PPM1F: variants seen among roughly 807,000 people sequenced by gnomAD.
The protein encoded by PPM1F is protein phosphatase, Mg2+/Mn2+ dependent 1F, also known as protein phosphatase 1F.
A neutral mutation model predicts 35.5 loss-of-function variants in PPM1F; 17 were observed. That is an observed-to-expected ratio of 0.48 (90% CI 0.33 to 0.72). The LOEUF (loss-of-function observed/expected upper bound fraction) is 0.72. Ranked by LOEUF, PPM1F falls within the 30% of genes least tolerant of loss-of-function variation. PPM1F has a pLI of 0.02. For synonymous variants in PPM1F, 241 were observed against 255.5 expected, an observed-to-expected ratio of 0.94 and a Z score of 0.54; for missense variants, 521 against 613.0, an observed-to-expected ratio of 0.85 and a Z score of 1.59.
At chr22:21,930,435 G>A (rs1015881918) in intron 6 of PPM1F, among the ~76,000 whole-genome samples, 10 of 152,210 alleles carry the variant, frequency 6.6e-5, no homozygotes, top group Non-Finnish European at 1.3e-4. Flanking sequence ...AGCACCGAAA[G>A]ACTGAAAAGA....
At chr22:21,930,092 G>A (rs560270899) in intron 6 of PPM1F, among the ~76,000 whole-genome samples, 1 of 152,382 alleles carries the variant, frequency 6.6e-6, no homozygotes, top group East Asian at 1.9e-4. Flanking sequence ...TTGCAGGAAA[G>A]GCTGTGTAAA....
In PPM1F at chr22:21,939,225, C is replaced by T. The variant is rs1274317537; in HGVS notation, c.355+307G>A. On this transcript the variant is annotated intron_variant, in intron 3 of 7. Coordinates refer to ENST00000263212, the MANE Select transcript of PPM1F (RefSeq NM_014634.4). This position sits in a 1 kb window ranked among gnomAD's most constrained non-coding sequence, Gnocchi z 5.1. Reference sequence around the variant, plus strand: ...ATCACCTGTGAGATCCTCTGTGAAACGGGATAAGCATCTTTAATTTCCTGG... The same window carrying T: ...ATCACCTGTGAGATCCTCTGTGAAATGGGATAAGCATCTTTAATTTCCTGG... 10 of 339,724 alleles carry T rather than the reference C, an allele frequency of 2.9e-5. No individual in the cohort carries two copies. The highest frequency in any genetic ancestry group is 1.2e-4 in the South Asian group (3 of 25,710). 21.0% of individuals were successfully genotyped at this position (339,724 alleles called of 1,614,324 possible).
chr22:21,941,388 T>A (rs2145804414), intron 2 of PPM1F: 1 of 152,588 alleles, frequency 6.6e-6, no homozygotes, highest in East Asian at 1.9e-4. Context: ...AGTCGGGCAG[T>A]ATAAATGGAG....
chr22:21,930,584 C>G (rs1254736908), intron 6 of PPM1F, among the ~76,000 whole-genome samples: 1 of 152,128 alleles, frequency 6.6e-6, no homozygotes, highest in Non-Finnish European at 1.5e-5. Context: ...GAGAACAGCA[C>G]GTGGGAAAAG....
rs77738242 is a variant in PPM1F at position 21,934,285 on chromosome 22, G to A, written c.356-59C>T. ...TGCCAACCAAGCCAGCTGAGGCCTC[G>A]CTGGCTCCCTGACAGCTCCCACAGG... On this transcript the variant is annotated intron_variant, in intron 3 of 7. Coordinates refer to ENST00000263212, the MANE Select transcript of PPM1F (RefSeq NM_014634.4). 2.1e-3 allele frequency: 3,023 copies of A among 1,441,074 alleles called. 53 individuals carry two copies. The African/African-American group carries it at 0.037, about 18-fold the overall frequency. The allele number at this position is 1,441,074 out of a possible 1,614,324, so 89.3% of individuals were successfully genotyped here.
rs1374653570 is a variant in PPM1F at position 21,923,068 on chromosome 22, G to T, written c.*24C>A. 1.8e-5 allele frequency: 29 copies of T among 1,568,220 alleles called. 2 individuals are homozygous for T. The East Asian group carries it at 6.5e-4, about 35-fold the overall frequency. Reference sequence around the variant, plus strand: ...GAGAAGGACAAGGATGGGAGGAAGGGGAGGGCAGGGGCCTGGAAACCACCT... The same window carrying T: ...GAGAAGGACAAGGATGGGAGGAAGGTGAGGGCAGGGGCCTGGAAACCACCT... On this transcript the variant is annotated 3_prime_UTR_variant, in exon 8 of 8. Coordinates refer to ENST00000263212, the MANE Select transcript of PPM1F (RefSeq NM_014634.4).
intron 1 of PPM1F, chr22:21,948,374 T>C (rs1029969108): frequency 7.2e-6 from 1 of 139,390 alleles, no homozygotes; most frequent in Non-Finnish European, 1.5e-5. Context: ...AAAATCACTT[T>C]GAGAGCAGGA....
At chr22:21,938,285 G>C (rs1427010226) in intron 3 of PPM1F, 3 of 1,273,484 alleles carry the variant, frequency 2.4e-6, no homozygotes, top group Non-Finnish European at 3.1e-6. Context: ...CGCCCCCTTG[G>C]TGGGGCCGCA....
At chr22:21,938,193 C>T in intron 3 of PPM1F, 1 of 1,303,458 alleles carries the variant, frequency 7.7e-7, no homozygotes, top group Non-Finnish European at 1.0e-6. Flanking sequence ...CGCAGCAACG[C>T]TCCTTCTCAC....
At position 21,921,640 on chromosome 22, in the gene PPM1F, G is replaced by A. The variant is rs529785442; in HGVS notation, c.*1452C>T. On this transcript the variant is annotated 3_prime_UTR_variant, in exon 8 of 8. Transcript: ENST00000263212. ...AGGCAGGCGTGCTGCCAGCCACCGCGGCAAGGTGAGGGGCTGTGGCCTGTG... is the reference window on the plus strand; with the variant it reads ...AGGCAGGCGTGCTGCCAGCCACCGCAGCAAGGTGAGGGGCTGTGGCCTGTG... 6.6e-6 allele frequency: 1 copy of A among 152,384 alleles called. No individual in the cohort carries two copies. Among genetic ancestry groups the A allele is most frequent in the Non-Finnish European group, 1.5e-5 (1 of 68,172 alleles). 9.4% of individuals were successfully genotyped at this position (152,384 alleles called of 1,614,324 possible).
chr22:21,925,592 G>T lies in PPM1F; in HGVS notation c.962C>A (p.Thr321Asn). The change falls in exon 7 of 8, where the codon ACC becomes AAC. Residue 321 changes from threonine to asparagine, a missense_variant. By Grantham distance (65) the Thr-to-Asn change is moderately conservative. This residue lies in a region of PPM1F where 47 missense variants were observed against 92.0 expected (regional missense o/e 0.51). Coordinates refer to ENST00000263212, the MANE Select transcript of PPM1F (RefSeq NM_014634.4). ...ACCGATGGCTCTGGAGACGGCCAGG[G>T]TCCCGTTGACTCTCCAGCAGTCCAT... ...SHMDCWRVNG[T>N]LAVSRAIGDV... The T allele has an allele frequency of 1.2e-6, 2 of 1,613,726 alleles. No individual in the cohort carries two copies. Among genetic ancestry groups the T allele is most frequent in the Non-Finnish European group, 1.7e-6 (2 of 1,179,756 alleles).
intron 6 of PPM1F, among the ~76,000 whole-genome samples, chr22:21,927,604 C>G (rs1368350816): frequency 1.3e-5 from 2 of 152,242 alleles, no homozygotes; most frequent in African/African-American, 4.8e-5. Flanking sequence ...TAGAACCTTC[C>G]TACCTGAAGC....
intron 7 of PPM1F, among the ~76,000 whole-genome samples, chr22:21,923,970 G>A (rs1319821735): frequency 1.3e-5 from 2 of 151,768 alleles, no homozygotes; most frequent in Admixed American, 1.3e-4. Flanking sequence ...TTACAGGCAT[G>A]AGCCACCACA....
chr22:21,925,378 A>ATC, intron 7 of PPM1F, 191 bp downstream of exon 7: 1 of 564,144 alleles, frequency 1.8e-6, no homozygotes, highest in Middle Eastern at 4.9e-4. Context: ...ACTTACACTC[A>ATC]GACACTGGTG....
intron 6 of PPM1F, among the ~76,000 whole-genome samples, chr22:21,927,558 T>C (rs913042091): frequency 6.6e-6 from 1 of 152,190 alleles, no homozygotes; most frequent in African/African-American, 2.4e-5. Context: ...CCTCTGGAGG[T>C]GGCTCTCCCC....
At chr22:21,943,708 C>T (rs2070748916) in intron 2 of PPM1F, 1 of 152,708 alleles carries the variant, frequency 6.5e-6, no homozygotes, top group African/African-American at 2.4e-5. Flanking sequence ...GGATCCTTCC[C>T]TGGGACCCTG....
At chr22:21,941,322 G>A (rs1445891737) in intron 2 of PPM1F, 1 of 152,590 alleles carries the variant, frequency 6.6e-6, no homozygotes, top group African/African-American at 2.4e-5. Flanking sequence ...CTGTCTAAAG[G>A]AGAGAGTCTA....
At chr22:21,933,193 ATGCTGGGTCGGGGCAGGCTTTG>A (rs1395339649) in intron 5 of PPM1F, among the ~76,000 whole-genome samples, 176 bp downstream of exon 5, 2 of 152,144 alleles carry the variant, frequency 1.3e-5, no homozygotes, top group East Asian at 3.9e-4. Flanking sequence ...GAGGCCCACC[ATGCTGGGTCGGGGCAGGCTTTG>A]TGCTGCTTCC....
intron 5 of PPM1F, chr22:21,932,790 GGAGGAAGGC>G (rs1393349596): frequency 6.6e-6 from 1 of 152,268 alleles, no homozygotes; most frequent in Non-Finnish European, 1.5e-5. Flanking sequence ...AGGAGGAAGG[GGAGGAAGGC>G]AGTAGATTAA....
Sources: allele counts gnomAD v4.1 joint callset (sites outside exome capture counted in the v4.1 genomes callset), GRCh38; gene constraint gnomAD v4.1.1; regional missense constraint gnomAD v4.1.1; non-coding constraint Gnocchi (gnomAD v3.1); transcripts MANE v1.5; gene names NCBI Gene and HGNC (gene_info 2026-07-23, HGNC 2026-07-21).